The following RNF180 variants were observed in gnomAD, a reference collection of about 807,000 sequenced individuals.
RNF180 encodes E3 ubiquitin-protein ligase RNF180.
Under a neutral mutation model 59.2 loss-of-function variants are expected in RNF180, and 38 were observed. That is an observed-to-expected ratio of 0.64 (90% CI 0.50 to 0.84). RNF180 has a LOEUF of 0.84. Ranked by LOEUF, RNF180 falls within the 40% of genes least tolerant of loss-of-function variation. The probability of loss-of-function intolerance (pLI) is 0.00; values close to 1 mark genes in which losing one functional copy is unlikely to be tolerated. For synonymous variants in RNF180, 262 were observed against 240.3 expected, an observed-to-expected ratio of 1.09 and a Z score of -0.84; for missense variants, 705 against 700.9, an observed-to-expected ratio of 1.01 and a Z score of -0.07.
intron 7 of RNF180, among the ~76,000 whole-genome samples, chr5:64,365,736 CT>C (rs1746423693): frequency 6.6e-6 from 1 of 151,404 alleles, no homozygotes; most frequent in Admixed American, 6.6e-5. Flanking sequence ...TGTAATGCCC[CT>C]CTTTGTCTTT....
At chr5:64,273,121 C>G (rs1166945358) in intron 5 of RNF180, among the ~76,000 whole-genome samples, 1 of 151,790 alleles carries the variant, frequency 6.6e-6, no homozygotes, top group Non-Finnish European at 1.5e-5. Flanking sequence ...TCATGATGCA[C>G]TAATTATAAT....
intron 5 of RNF180, among the ~76,000 whole-genome samples, chr5:64,299,669 T>C (rs1033756621): frequency 1.3e-5 from 2 of 151,984 alleles, no homozygotes; most frequent in African/African-American, 4.8e-5. Flanking sequence ...CTCAGTAGGC[T>C]TGTTTTGGAA....
intron 1 of RNF180, among the ~76,000 whole-genome samples, chr5:64,190,053 C>T (rs1751063892): frequency 6.6e-6 from 1 of 152,152 alleles, no homozygotes. Context: ...AGGGCCATCT[C>T]TTCAGTTTTA....
intron 5 of RNF180, among the ~76,000 whole-genome samples, chr5:64,218,916 A>G (rs1752768238): frequency 6.6e-6 from 1 of 152,196 alleles, no homozygotes. Context: ...TGTGTTATTA[A>G]GAGTATACAT....
At chr5:64,206,113 A>G (rs992787600) in intron 2 of RNF180, among the ~76,000 whole-genome samples, 28 of 152,216 alleles carry the variant, frequency 1.8e-4, no homozygotes, top group Admixed American at 1.8e-3. Context: ...GGATTTGTGC[A>G]GTTAGCATAC....
intron 7 of RNF180, among the ~76,000 whole-genome samples, chr5:64,368,696 G>A (rs1029720854): frequency 6.6e-6 from 1 of 151,886 alleles, no homozygotes; most frequent in East Asian, 1.9e-4. Flanking sequence ...GCAGCCAAAA[G>A]ACACATGAAA....
At chr5:64,176,967 G>A (rs559003841) in intron 1 of RNF180, among the ~76,000 whole-genome samples, 66 of 152,124 alleles carry the variant, frequency 4.3e-4, no homozygotes, top group South Asian at 6.2e-4. Context: ...TAGGTAAATT[G>A]GGGGCTGTCT....
At chr5:64,280,214 G>C (rs905474503) in intron 5 of RNF180, among the ~76,000 whole-genome samples, 6 of 151,036 alleles carry the variant, frequency 4.0e-5, no homozygotes, top group African/African-American at 1.5e-4. Flanking sequence ...CTGGATATTA[G>C]ACCTTTGTTG....
intron 1 of RNF180, among the ~76,000 whole-genome samples, chr5:64,175,288 G>A (rs1750173833): frequency 6.6e-6 from 1 of 152,068 alleles, no homozygotes. Flanking sequence ...ATTTTGAGGT[G>A]ATTTTTTTTC....
chr5:64,236,972 G>A (rs1307390962), intron 5 of RNF180, among the ~76,000 whole-genome samples: 1 of 152,152 alleles, frequency 6.6e-6, no homozygotes, highest in African/African-American at 2.4e-5. Context: ...TCTGCTGCAG[G>A]AACATAGCCC....
At chr5:64,205,820 C>G (rs369780500) in intron 2 of RNF180, among the ~76,000 whole-genome samples, 3 of 149,434 alleles carry the variant, frequency 2.0e-5, no homozygotes, top group East Asian at 2.0e-4. Context: ...AAAATAGAAC[C>G]GAAAATAGGA....
chr5:64,345,028 G>T (rs1228100833), intron 7 of RNF180, among the ~76,000 whole-genome samples: 1 of 151,940 alleles, frequency 6.6e-6, no homozygotes, highest in East Asian at 1.9e-4. Flanking sequence ...TCAGTGTTTT[G>T]TTTCTCATTT....
At chr5:64,286,430 C>T (rs187235603) in intron 5 of RNF180, among the ~76,000 whole-genome samples, 1 of 152,148 alleles carries the variant, frequency 6.6e-6, no homozygotes, top group African/African-American at 2.4e-5. Context: ...AGCCCAAACC[C>T]TTAACTCCAA....
intron 5 of RNF180, among the ~76,000 whole-genome samples, chr5:64,285,474 C>T (rs1329033614): frequency 6.6e-6 from 1 of 150,692 alleles, no homozygotes; most frequent in Non-Finnish European, 1.5e-5. Flanking sequence ...CAGGCAAGTG[C>T]ATGCCAGCAA....
intron 7 of RNF180, among the ~76,000 whole-genome samples, chr5:64,365,231 GCTT>G (rs1337521944): frequency 1.3e-5 from 2 of 151,340 alleles, no homozygotes; most frequent in African/African-American, 4.8e-5. Flanking sequence ...GTTTCAAAGA[GCTT>G]CTTGATTTTT....
At chr5:64,331,264 G>A (rs1744894923) in intron 7 of RNF180, among the ~76,000 whole-genome samples, 1 of 152,196 alleles carries the variant, frequency 6.6e-6, no homozygotes, top group Non-Finnish European at 1.5e-5. Context: ...GGTGGCAGGA[G>A]GCAGACAGGC....
At chr5:64,259,709 G>A (rs1273736116) in intron 5 of RNF180, among the ~76,000 whole-genome samples, 1 of 152,112 alleles carries the variant, frequency 6.6e-6, no homozygotes, top group East Asian at 1.9e-4. Flanking sequence ...GCTCACCTGA[G>A]GTCAGGAGTT....
At chr5:64,277,206 AAG>A in intron 5 of RNF180, among the ~76,000 whole-genome samples, 1 of 151,488 alleles carries the variant, frequency 6.6e-6, no homozygotes, top group Non-Finnish European at 1.5e-5. Context: ...AAAAAAAAAA[AAG>A]AGACCGCAGA....
chr5:64,290,801 A>G (rs1167037720), intron 5 of RNF180, among the ~76,000 whole-genome samples: 1 of 152,192 alleles, frequency 6.6e-6, no homozygotes, highest in Non-Finnish European at 1.5e-5. Context: ...TGAAGACAGC[A>G]TACTGATATG....
Sources: allele counts gnomAD v4.1 joint callset (sites outside exome capture counted in the v4.1 genomes callset), GRCh38; gene constraint gnomAD v4.1.1; transcripts MANE v1.5; gene names NCBI Gene and HGNC (gene_info 2026-07-23, HGNC 2026-07-21).